Variants in RAPGEF4 observed in about 807,000 individuals in gnomAD.
The protein encoded by RAPGEF4 is RAP guanine-nucleotide-exchange factor (GEF) 4.
Under a neutral mutation model 147.9 loss-of-function variants are expected in RAPGEF4, and 66 were observed. That is an observed-to-expected ratio of 0.45 (90% confidence interval 0.37 to 0.55). RAPGEF4 has a LOEUF of 0.55. Ranked by LOEUF, RAPGEF4 falls within the 20% of genes least tolerant of loss-of-function variation. The probability of loss-of-function intolerance (pLI) is 0.00; values close to 1 mark genes in which losing one functional copy is unlikely to be tolerated. For synonymous variants in RAPGEF4, 419 were observed against 442.7 expected (o/e 0.95, Z 0.67); for missense variants, 1,071 against 1,257.3 (o/e 0.85, Z 2.24).
At chr2:172,742,327 TTCTC>T (rs1323346978) in intron 1 of RAPGEF4, among the ~76,000 whole-genome samples, 1 of 152,214 alleles carries the variant, frequency 6.6e-6, no homozygotes, top group Non-Finnish European at 1.5e-5. Context: ...GGTTCTCTCT[TTCTC>T]TCTTTTTCTT....
chr2:172,975,212 C>T (rs1204195378), intron 10 of RAPGEF4, among the ~76,000 whole-genome samples: 1 of 152,178 alleles, frequency 6.6e-6, no homozygotes, highest in Non-Finnish European at 1.5e-5. Context: ...AAAATTTAGT[C>T]TAAAGATCAC....
chr2:172,800,488 A>G (rs1686864282), intron 3 of RAPGEF4, among the ~76,000 whole-genome samples: 1 of 152,212 alleles, frequency 6.6e-6, no homozygotes, highest in Non-Finnish European at 1.5e-5. Flanking sequence ...GTGGTAAATC[A>G]GGGGGATTGT....
At chr2:172,850,059 G>C (rs1269609712) in intron 4 of RAPGEF4, among the ~76,000 whole-genome samples, 1 of 152,162 alleles carries the variant, frequency 6.6e-6, no homozygotes, top group Non-Finnish European at 1.5e-5. Flanking sequence ...AGCCTGTGTA[G>C]CTAAGGATAG....
chr2:172,932,698 A>G (rs1270355578), intron 6 of RAPGEF4, among the ~76,000 whole-genome samples: 5 of 152,176 alleles, frequency 3.3e-5, no homozygotes, highest in Non-Finnish European at 5.9e-5. Flanking sequence ...TTTTTTACTC[A>G]TGTTAACTGT....
At chr2:172,752,777 C>T (rs1695413241) in intron 1 of RAPGEF4, among the ~76,000 whole-genome samples, 1 of 152,186 alleles carries the variant, frequency 6.6e-6, no homozygotes, top group Non-Finnish European at 1.5e-5. Flanking sequence ...ATCTGGATGT[C>T]CAACTGGTTG....
intron 6 of RAPGEF4, among the ~76,000 whole-genome samples, chr2:172,955,299 G>A (rs1487295935): frequency 6.6e-6 from 1 of 152,174 alleles, no homozygotes; most frequent in Non-Finnish European, 1.5e-5. Context: ...TAGTATTTAT[G>A]TATTGGCTCT....
At chr2:172,831,289 A>T (rs1204504020) in intron 4 of RAPGEF4, among the ~76,000 whole-genome samples, 2 of 7,146 alleles carry the variant, frequency 2.8e-4, no homozygotes, top group African/African-American at 7.2e-4. Flanking sequence ...TTTTTTTGAG[A>T]CAGAGTTTTG....
chr2:172,817,916 T>A (rs1574935626), intron 4 of RAPGEF4, among the ~76,000 whole-genome samples: 1 of 145,580 alleles, frequency 6.9e-6, no homozygotes, highest in African/African-American at 2.5e-5. Context: ...TATATATATA[T>A]AATATACATA....
At chr2:172,861,789 T>C (rs535535469) in intron 4 of RAPGEF4, among the ~76,000 whole-genome samples, 14 of 152,240 alleles carry the variant, frequency 9.2e-5, no homozygotes, top group Non-Finnish European at 1.8e-4. Flanking sequence ...CTAGGGAAGC[T>C]GTGCTGAATA....
At chr2:172,764,126 T>C (rs1442537673) in intron 1 of RAPGEF4, among the ~76,000 whole-genome samples, 2 of 151,984 alleles carry the variant, frequency 1.3e-5, no homozygotes, top group East Asian at 3.9e-4. Context: ...TGGTGGTGCA[T>C]GCCTGTGGTC....
chr2:172,827,005 T>G (rs1257699798), intron 4 of RAPGEF4, among the ~76,000 whole-genome samples: 2 of 152,238 alleles, frequency 1.3e-5, no homozygotes, highest in South Asian at 2.1e-4. Context: ...AATAGTGTTT[T>G]AAATGTTAGT....
At chr2:172,990,251 G>A (rs1336980828) in intron 14 of RAPGEF4, among the ~76,000 whole-genome samples, 1 of 152,100 alleles carries the variant, frequency 6.6e-6, no homozygotes, top group Non-Finnish European at 1.5e-5. Context: ...TTTACATTCA[G>A]CCAAAACATT....
At chr2:172,833,009 G>A (rs139515771) in intron 4 of RAPGEF4, among the ~76,000 whole-genome samples, 2,280 of 152,260 alleles carry the variant, frequency 0.015, 19 homozygotes, top group South Asian at 0.034. Context: ...TTCAAGACTA[G>A]CCTGGCCAAC....
intron 3 of RAPGEF4, among the ~76,000 whole-genome samples, chr2:172,807,316 C>T (rs1687600348): frequency 6.6e-6 from 1 of 152,260 alleles, no homozygotes; most frequent in African/African-American, 2.4e-5. Context: ...TACCAGAATG[C>T]TAATGCTAGT....
chr2:173,006,457 C>T (rs1191050827), intron 17 of RAPGEF4, among the ~76,000 whole-genome samples: 1 of 152,046 alleles, frequency 6.6e-6, no homozygotes, highest in East Asian at 1.9e-4. Flanking sequence ...TAGTATTCAA[C>T]ACAAATTTTG....
At chr2:172,887,635 C>A (rs1331466370) in intron 4 of RAPGEF4, among the ~76,000 whole-genome samples, 1 of 152,300 alleles carries the variant, frequency 6.6e-6, no homozygotes, top group Non-Finnish European at 1.5e-5. Flanking sequence ...GTATGGGCTA[C>A]AAAGCCCAAG....
At chr2:172,812,160 G>T (rs1487073388) in intron 3 of RAPGEF4, among the ~76,000 whole-genome samples, 2 of 152,166 alleles carry the variant, frequency 1.3e-5, no homozygotes, top group Non-Finnish European at 2.9e-5. Context: ...CTTGTAATTT[G>T]TGACTCCTTG....
chr2:173,015,147 G>GGATT (rs1410138348), intron 18 of RAPGEF4, among the ~76,000 whole-genome samples: 4 of 152,068 alleles, frequency 2.6e-5, no homozygotes, highest in Non-Finnish European at 5.9e-5. Flanking sequence ...CCTAGAAATG[G>GGATT]GATTACTAGA....
chr2:172,871,798 C>T (rs546259549), intron 4 of RAPGEF4, among the ~76,000 whole-genome samples: 1 of 152,122 alleles, frequency 6.6e-6, no homozygotes, highest in South Asian at 2.1e-4. Context: ...TTTCAAGACA[C>T]TTTCCAATTC....
Sources: gnomAD v4.1 joint callset for allele counts (sites outside exome capture counted in the v4.1 genomes callset) on GRCh38, gnomAD v4.1.1 for gene constraint, MANE v1.5 for transcripts, NCBI Gene and HGNC (gene_info 2026-07-23, HGNC 2026-07-21) for gene names.